SUCLG2: variants seen among roughly 807,000 people sequenced by gnomAD.
SUCLG2 encodes the protein succinate--CoA ligase [GDP-forming] subunit beta, mitochondrial.
In SUCLG2, 42 loss-of-function variants were observed where a neutral mutation model predicts 47.9. The ratio of observed to expected loss-of-function variants is 0.88; its 90% confidence interval spans 0.69 to 1.14. The LOEUF is 1.14. Among genes scored for constraint, SUCLG2 ranks in the 50% most tolerant of loss-of-function variants. SUCLG2 has a pLI of 0.00. For synonymous variants in SUCLG2, 195 were observed against 197.3 expected (o/e 0.99, Z 0.10); for missense variants, 571 against 525.9 (o/e 1.09, Z -0.84).
chr3:67,510,424 T>G (rs1201047332), intron 6 of SUCLG2, among the ~76,000 whole-genome samples: 1 of 152,206 alleles, frequency 6.6e-6, no homozygotes, highest in South Asian at 2.1e-4. Context: ...ATGTATATGA[T>G]ACAAAATTCC....
chr3:67,520,038 C>G (rs1434230484), intron 5 of SUCLG2, among the ~76,000 whole-genome samples: 1 of 152,034 alleles, frequency 6.6e-6, no homozygotes, highest in African/African-American at 2.4e-5. Context: ...TAGTTTACAT[C>G]AAGAGTACTG....
At chr3:67,367,902 T>C (rs920428793) in intron 10 of SUCLG2, among the ~76,000 whole-genome samples, 4 of 152,212 alleles carry the variant, frequency 2.6e-5, no homozygotes, top group Admixed American at 6.5e-5. Context: ...GGAATATATA[T>C]AAACACATTT....
chr3:67,385,054 T>C (rs76164406), intron 10 of SUCLG2, among the ~76,000 whole-genome samples: 1 of 152,304 alleles, frequency 6.6e-6, no homozygotes, highest in Non-Finnish European at 1.5e-5. Context: ...CTCGTCCTGA[T>C]AGCAATGTGC....
At chr3:67,440,178 A>G (rs572545077) in intron 9 of SUCLG2, among the ~76,000 whole-genome samples, 24 of 152,308 alleles carry the variant, frequency 1.6e-4, no homozygotes, top group African/African-American at 5.1e-4. Context: ...GGCTAGCCAT[A>G]TGCAGAAAAC....
intron 1 of SUCLG2, among the ~76,000 whole-genome samples, chr3:67,647,860 T>A (rs1353203085): frequency 7.9e-5 from 12 of 152,102 alleles, no homozygotes; most frequent in Admixed American, 7.9e-4. Context: ...AACTCCTATT[T>A]CACATGGCTA....
chr3:67,613,609 T>G (rs892790423), intron 1 of SUCLG2, among the ~76,000 whole-genome samples: 1 of 152,182 alleles, frequency 6.6e-6, no homozygotes, highest in Non-Finnish European at 1.5e-5. Flanking sequence ...ACCAAGTGAC[T>G]TTACGTAAAT....
At chr3:67,396,990 T>G (rs1405535819) in intron 10 of SUCLG2, among the ~76,000 whole-genome samples, 1 of 151,738 alleles carries the variant, frequency 6.6e-6, no homozygotes, top group African/African-American at 2.4e-5. Context: ...TGCTAAAAAC[T>G]CTCAATAAAT....
intron 9 of SUCLG2, among the ~76,000 whole-genome samples, chr3:67,409,622 C>G (rs1437393868): frequency 6.6e-6 from 1 of 152,072 alleles, no homozygotes. Flanking sequence ...CACATAATTA[C>G]ACATAATTAC....
intron 2 of SUCLG2, among the ~76,000 whole-genome samples, chr3:67,547,123 A>G (rs544888197): frequency 5.1e-4 from 77 of 152,288 alleles, no homozygotes; most frequent in African/African-American, 1.6e-3. Context: ...GTGGGGGCAG[A>G]GACCTCCTGC....
At chr3:67,579,524 C>A (rs953787712) in intron 2 of SUCLG2, among the ~76,000 whole-genome samples, 1 of 152,074 alleles carries the variant, frequency 6.6e-6, no homozygotes, top group African/African-American at 2.4e-5. Flanking sequence ...GGGTAAAATT[C>A]GAACAGATGT....
At chr3:67,544,180 T>G (rs1294691228) in intron 2 of SUCLG2, among the ~76,000 whole-genome samples, 1 of 152,228 alleles carries the variant, frequency 6.6e-6, no homozygotes, top group East Asian at 1.9e-4. Flanking sequence ...TTTTAATTTA[T>G]AATAAGCATT....
intron 6 of SUCLG2, among the ~76,000 whole-genome samples, chr3:67,509,326 C>A (rs998381771): frequency 6.6e-6 from 1 of 152,150 alleles, no homozygotes; most frequent in Non-Finnish European, 1.5e-5. Flanking sequence ...TTATTATATT[C>A]ATCAATCCAA....
intron 10 of SUCLG2, among the ~76,000 whole-genome samples, chr3:67,380,948 T>C (rs1335388089): frequency 6.6e-6 from 1 of 152,126 alleles, no homozygotes; most frequent in Non-Finnish European, 1.5e-5. Context: ...CCCTTGTCGT[T>C]AACTACCACT....
At chr3:67,476,459 G>A (rs963497118) in intron 9 of SUCLG2, among the ~76,000 whole-genome samples, 4 of 152,042 alleles carry the variant, frequency 2.6e-5, no homozygotes, top group African/African-American at 7.3e-5. Context: ...CAGATGGGAC[G>A]ATCTAGTAGG....
intron 9 of SUCLG2, among the ~76,000 whole-genome samples, chr3:67,406,852 T>C (rs1702823966): frequency 6.6e-6 from 1 of 152,224 alleles, no homozygotes; most frequent in African/African-American, 2.4e-5. Context: ...CTTATAAATG[T>C]ATTTTTAACC....
At chr3:67,389,944 G>A (rs74864801) in intron 10 of SUCLG2, among the ~76,000 whole-genome samples, 2 of 152,064 alleles carry the variant, frequency 1.3e-5, no homozygotes, top group East Asian at 1.9e-4. Flanking sequence ...AGGTGAAAAC[G>A]GGTCTCCATC....
chr3:67,521,531 C>A (rs1242964004), intron 4 of SUCLG2, among the ~76,000 whole-genome samples: 1 of 152,070 alleles, frequency 6.6e-6, no homozygotes, highest in Admixed American at 6.5e-5. Flanking sequence ...TATCTGCAAG[C>A]ATTGCAGTAA....
At chr3:67,390,346 T>C (rs904529841) in intron 10 of SUCLG2, among the ~76,000 whole-genome samples, 1 of 152,192 alleles carries the variant, frequency 6.6e-6, no homozygotes, top group African/African-American at 2.4e-5. Flanking sequence ...AGAAAAGTTT[T>C]AATCAATCAA....
chr3:67,369,542 A>G (rs1701922545), intron 10 of SUCLG2, among the ~76,000 whole-genome samples: 1 of 152,186 alleles, frequency 6.6e-6, no homozygotes, highest in Non-Finnish European at 1.5e-5. Flanking sequence ...GCTGTGTGCC[A>G]TTGGTGGAAA....
Sources: allele counts gnomAD v4.1 joint callset (sites outside exome capture counted in the v4.1 genomes callset), GRCh38; gene constraint gnomAD v4.1.1; transcripts MANE v1.5; gene names NCBI Gene and HGNC (gene_info 2026-07-23, HGNC 2026-07-21).